The following LRCH3 variants were observed in gnomAD, a reference collection of about 807,000 sequenced individuals.
LRCH3 encodes leucine rich repeats and calponin homology domain containing 3.
A neutral mutation model predicts 104.5 loss-of-function variants in LRCH3; 68 were observed. The observed-to-expected ratio is 0.65, with a 90% CI of 0.54 to 0.80. The LOEUF is 0.80. Ranked by LOEUF, LRCH3 falls within the 30% of genes least tolerant of loss-of-function variation. The pLI is 0.00. For synonymous variants in LRCH3, 344 were observed against 361.3 expected, an observed-to-expected ratio of 0.95 and a Z score of 0.54; for missense variants, 951 against 953.9, an observed-to-expected ratio of 1.00 and a Z score of 0.04.
intron 20 of LRCH3, chr3:197,882,756 TA>T (rs2109584707): frequency 1.0e-6 from 1 of 985,372 alleles, no homozygotes; most frequent in South Asian, 4.7e-5. Flanking sequence ...AGGAAGCGTT[TA>T]ACTTCCTCAA....
At chr3:197,835,085 A>C (rs1465360316) in intron 8 of LRCH3, among the ~76,000 whole-genome samples, 7 of 152,230 alleles carry the variant, frequency 4.6e-5, no homozygotes, top group Non-Finnish European at 7.3e-5. Flanking sequence ...CAGAGGTTGC[A>C]GTGAGCCAAG....
In LRCH3 at chr3:197,875,753, G is replaced by T; in HGVS notation, c.2186G>T (p.Cys729Phe). ...RRNVENFLEA[C>F]RKIGVPQEQL... ...AATGTGGAAAATTTCCTAGAAGCTT[G>T]CAGAAAAATTGGTGTACCTCAGGTA... is the stretch of plus-strand genomic sequence containing the variant. Residue 729 changes from cysteine to phenylalanine, a missense_variant, in exon 20 of 21, where the codon TGC becomes TTC. By Grantham distance (205) the Cys-to-Phe change is radical. Transcript: ENST00000425562. The T allele has an allele frequency of 6.5e-7, 1 of 1,534,384 alleles. No individual in the cohort carries two copies. Among genetic ancestry groups the T allele is most frequent in the East Asian group, 2.4e-5 (1 of 40,922 alleles).
chr3:197,843,084 T>TA (rs11292727), intron 10 of LRCH3, among the ~76,000 whole-genome samples: 1,902 of 140,204 alleles, frequency 0.014, 28 homozygotes, highest in South Asian at 0.039. Context: ...GACTCTGTCT[T>TA]AAAAAAAAAA....
At position 197,832,272 on chromosome 3, in the gene LRCH3, CA is replaced by C; in HGVS notation, c.1058del (p.Gln353ArgfsTer10). On this transcript the variant is annotated frameshift_variant, in exon 8 of 21. Transcript: ENST00000425562. LOFTEE classifies it high-confidence loss of function. ...AGAACAAAGACTACGAAGAGAAAGC[CA>C]GTACCAAGAGAACCGCGGCAGTTTG... is the stretch of plus-strand genomic sequence containing the variant. ...TKEQRLRRES[Q>X]YQENRGSLVV... 1 of 1,613,946 alleles carries C rather than the reference CA, an allele frequency of 6.2e-7. No homozygotes were observed. Among genetic ancestry groups the C allele is most frequent in the Non-Finnish European group, 8.5e-7 (1 of 1,179,856 alleles).
chr3:197,844,650 A>G (rs1738333913), intron 10 of LRCH3, among the ~76,000 whole-genome samples: 1 of 148,828 alleles, frequency 6.7e-6, no homozygotes, highest in Non-Finnish European at 1.5e-5. Flanking sequence ...ATGGAGCCTC[A>G]CTCTGTCGCC....
At chr3:197,812,213 C>A (rs1224240543) in intron 1 of LRCH3, among the ~76,000 whole-genome samples, 3 of 152,086 alleles carry the variant, frequency 2.0e-5, no homozygotes, top group African/African-American at 7.2e-5. Context: ...TGCTTTATGT[C>A]TTTTATGAAT....
chr3:197,859,220 G>C, intron 15 of LRCH3: 1 of 260,080 alleles, frequency 3.8e-6, no homozygotes, highest in Non-Finnish European at 7.4e-6. Flanking sequence ...AATTAACTCT[G>C]TTGTCTAATG....
At chr3:197,870,716 C>T (rs1253156286) in intron 18 of LRCH3, among the ~76,000 whole-genome samples, 6 of 150,696 alleles carry the variant, frequency 4.0e-5, no homozygotes, top group African/African-American at 9.8e-5. Flanking sequence ...CTTCCGCGCC[C>T]GGCTGTAATT....
Position 197,847,391 on chromosome 3 carries a change from T to C in LRCH3, c.1329-18T>C, listed in dbSNP as rs1205376810. The stretch of plus-strand genomic sequence containing the variant: ...TTATCAAAGAGTTTTTTTCTTTCTT[T>C]TTTCTTTTTTGGGTCAGGGTTCCAG... On this transcript the variant is annotated intron_variant, in intron 10 of 20. Transcript: ENST00000425562. 9.6e-6 allele frequency: 15 copies of C among 1,568,394 alleles called. No individual in the cohort carries two copies. Among genetic ancestry groups the C allele is most frequent in the Non-Finnish European group, 1.2e-5 (14 of 1,166,310 alleles).
intron 19 of LRCH3, among the ~76,000 whole-genome samples, chr3:197,874,459 A>C (rs1055496688): frequency 4.6e-5 from 7 of 152,214 alleles, no homozygotes; most frequent in African/African-American, 1.7e-4. Context: ...AGTTGCAGGT[A>C]AACAAGCTCA....
At chr3:197,838,968 T>A (rs1227434936) in intron 9 of LRCH3, among the ~76,000 whole-genome samples, 1 of 152,192 alleles carries the variant, frequency 6.6e-6, no homozygotes, top group Non-Finnish European at 1.5e-5. Context: ...AGGTGGGAAT[T>A]TCTGTCCTAA....
At position 197,870,336 on chromosome 3, in the gene LRCH3, C is replaced by G. The variant is rs1056955979; in HGVS notation, c.1992+58C>G. On this transcript the variant is annotated intron_variant, in intron 18 of 20. Transcript: ENST00000425562. ...AGTATTACTGCTATAGATCATAATC[C>G]TGTGATCACGTCTTCATTTGACACA... The G allele has an allele frequency of 9.1e-5, 133 of 1,467,726 alleles. 1 individual carries two copies. In the Admixed American group the frequency reaches 2.3e-3, roughly 26 times the overall value. The allele number at this position is 1,467,726 out of a possible 1,614,324, so 90.9% of individuals were successfully genotyped here.
intron 12 of LRCH3, among the ~76,000 whole-genome samples, chr3:197,849,577 T>A (rs1296403899): frequency 6.6e-6 from 1 of 152,200 alleles, no homozygotes; most frequent in African/African-American, 2.4e-5. Flanking sequence ...CTGCTTGATT[T>A]GTTACTACAT....
chr3:197,863,297 C>G (rs1741088897), intron 15 of LRCH3, among the ~76,000 whole-genome samples: 2 of 152,130 alleles, frequency 1.3e-5, no homozygotes, highest in African/African-American at 4.8e-5. Context: ...GAGTCTCACT[C>G]TGTTGCCCAG....
chr3:197,791,610 C>T (rs1029378380), intron 1 of LRCH3, 70 bp downstream of exon 1: 52 of 1,454,280 alleles, frequency 3.6e-5, no homozygotes, highest in Non-Finnish European at 4.1e-5. Flanking sequence ...CCGGGGGAGG[C>T]GGATGCGGGG....
At chr3:197,839,000 C>T (rs1214949634) in intron 9 of LRCH3, among the ~76,000 whole-genome samples, 5 of 152,146 alleles carry the variant, frequency 3.3e-5, no homozygotes. Flanking sequence ...TTAGTGACCT[C>T]TTCGGTTCCT....
Position 197,880,094 on chromosome 3 carries a change from C to T in LRCH3, c.2209-3447C>T, listed in dbSNP as rs368323923. On this transcript the variant is annotated intron_variant, in intron 20 of 20. Transcript: ENST00000425562. The stretch of plus-strand genomic sequence containing the variant: ...CCGAGTAGCTGGGACTACAGGCGCC[C>T]GCCACCACGCCCGGCTAATTTTTTG... 2.4e-3 allele frequency among the ~76,000 whole-genome samples: 354 copies of T among 150,160 alleles called. 2 individuals carry two copies. The highest frequency in any genetic ancestry group is 3.3e-3 in the East Asian group (17 of 5,124).
Position 197,871,424 on chromosome 3 carries a change from C to T in LRCH3, c.2092C>T (p.Arg698Ter). 2.5e-6 allele frequency: 4 copies of T among 1,614,014 alleles called. No individual in the cohort carries two copies. Among genetic ancestry groups the T allele is most frequent in the Middle Eastern group, 1.7e-4 (1 of 6,060 alleles). ...LCHLANHVRP[R>*]SVPSIHVPSP... ...CCATTTGGCCAATCATGTGCGACCT[C>T]GATCTGTCCCAAGCATTCATGTTCC... Residue 698 changes from arginine to a stop codon, truncating the protein, a stop_gained, in exon 19 of 21, where the codon CGA (arginine) becomes TGA (stop). Transcript: ENST00000425562. LOFTEE classifies it high-confidence loss of function.
chr3:197,831,855 G>A (rs1305600223), intron 7 of LRCH3, among the ~76,000 whole-genome samples: 2 of 151,994 alleles, frequency 1.3e-5, no homozygotes, highest in Non-Finnish European at 2.9e-5. Flanking sequence ...TCCTGGGCTT[G>A]TCATTCCCAT....
Sources: allele counts gnomAD v4.1 joint callset (sites outside exome capture counted in the v4.1 genomes callset), GRCh38; gene constraint gnomAD v4.1.1; transcripts MANE v1.5; gene names NCBI Gene and HGNC (gene_info 2026-07-23, HGNC 2026-07-21).